KCNMB2: variants seen among roughly 807,000 people sequenced by gnomAD.
The protein encoded by KCNMB2 is potassium calcium-activated channel subfamily M regulatory beta subunit 2, also known as calcium-activated potassium channel subunit beta-2.
In KCNMB2, 9 loss-of-function variants were observed where a neutral mutation model predicts 24.5. The observed-to-expected ratio is 0.37, with a 90% CI of 0.22 to 0.64. The LOEUF (loss-of-function observed/expected upper bound fraction) is 0.64, where lower values mean the gene tolerates loss of function less well. Ranked by LOEUF, KCNMB2 falls within the 30% of genes least tolerant of loss-of-function variation. KCNMB2 has a pLI of 0.63. For synonymous variants in KCNMB2, 109 were observed against 104.4 expected, an observed-to-expected ratio of 1.04 and a Z score of -0.27; for missense variants, 226 against 284.3, an observed-to-expected ratio of 0.79 and a Z score of 1.47.
intron 1 of KCNMB2, among the ~76,000 whole-genome samples, chr3:178,664,462 T>C (rs2108574394): frequency 6.6e-6 from 1 of 152,196 alleles, no homozygotes; most frequent in South Asian, 2.1e-4. Flanking sequence ...TCCTCTTTGC[T>C]ACACTATTAT....
intron 1 of KCNMB2, among the ~76,000 whole-genome samples, chr3:178,776,039 G>A (rs1712565480): frequency 6.6e-6 from 1 of 151,990 alleles, no homozygotes; most frequent in Non-Finnish European, 1.5e-5. Flanking sequence ...TCTACAACCT[G>A]GACCTTTATT....
intron 1 of KCNMB2, among the ~76,000 whole-genome samples, chr3:178,607,123 G>T (rs1718300356): frequency 6.6e-6 from 1 of 152,162 alleles, no homozygotes; most frequent in Non-Finnish European, 1.5e-5. Context: ...TAGGACGAGT[G>T]TTATTTCCAC....
intron 1 of KCNMB2, among the ~76,000 whole-genome samples, chr3:178,581,118 AC>A (rs1717184978): frequency 1.3e-5 from 2 of 152,178 alleles, no homozygotes; most frequent in African/African-American, 4.8e-5. Flanking sequence ...TTCAAACTAT[AC>A]TACAAGGCTA....
At chr3:178,711,339 TG>T (rs999480735) in intron 1 of KCNMB2, among the ~76,000 whole-genome samples, 1 of 152,212 alleles carries the variant, frequency 6.6e-6, no homozygotes, top group African/African-American at 2.4e-5. Context: ...GCATTTGGTC[TG>T]CAGCAATTTG....
rs113461987 is a variant in KCNMB2 at position 178,641,382 on chromosome 3, T to C, written c.-68+104671T>C. 8.4e-3 allele frequency among the ~76,000 whole-genome samples: 1,278 copies of C among 152,282 alleles called. 19 individuals are homozygous for C. Among genetic ancestry groups the C allele is most frequent in the African/African-American group, 0.03 (1,230 of 41,584 alleles). On this transcript the variant is annotated intron_variant, in intron 1 of 4. Transcript: ENST00000452583. ...AAAGAGTTTTGTAGTTTTTCACATA[T>C]AGAACCCACACATATTTTGTCAGAT...
At chr3:178,658,417 G>T (rs960648394) in intron 1 of KCNMB2, among the ~76,000 whole-genome samples, 1 of 152,140 alleles carries the variant, frequency 6.6e-6, no homozygotes, top group African/African-American at 2.4e-5. Context: ...ATCAAGATAA[G>T]GTTATCTCTT....
chr3:178,595,096 G>C (rs1323076042), intron 1 of KCNMB2, among the ~76,000 whole-genome samples: 1 of 143,352 alleles, frequency 7.0e-6, no homozygotes, highest in African/African-American at 2.5e-5. Flanking sequence ...AATACGATGA[G>C]GCTGTCAACT....
chr3:178,664,764 C>T (rs910060248), intron 1 of KCNMB2, among the ~76,000 whole-genome samples: 4 of 151,730 alleles, frequency 2.6e-5, no homozygotes, highest in Admixed American at 6.6e-5. Flanking sequence ...TTCATTTTCA[C>T]GTAAATAATG....
intron 1 of KCNMB2, among the ~76,000 whole-genome samples, chr3:178,590,754 AC>A (rs1717639791): frequency 6.6e-6 from 1 of 152,210 alleles, no homozygotes; most frequent in African/African-American, 2.4e-5. Flanking sequence ...AACTAAGAGT[AC>A]ATCATGACTG....
At chr3:178,654,572 A>G (rs1038789910) in intron 1 of KCNMB2, among the ~76,000 whole-genome samples, 1 of 152,244 alleles carries the variant, frequency 6.6e-6, no homozygotes, top group African/African-American at 2.4e-5. Context: ...GACAATTTAT[A>G]CTTTTCAAAG....
At chr3:178,552,210 T>C (rs1177635891) in intron 1 of KCNMB2, among the ~76,000 whole-genome samples, 2 of 152,120 alleles carry the variant, frequency 1.3e-5, no homozygotes, top group African/African-American at 4.8e-5. Context: ...ATGTCGACTG[T>C]GGAAGAATGA....
chr3:178,689,823 T>C (rs949768546), intron 1 of KCNMB2, among the ~76,000 whole-genome samples: 2 of 152,208 alleles, frequency 1.3e-5, no homozygotes, highest in Non-Finnish European at 1.5e-5. Context: ...TCTAGTGACA[T>C]GTTCATACAC....
chr3:178,671,840 A>AATG (rs1560158969), intron 1 of KCNMB2, among the ~76,000 whole-genome samples: 1 of 152,202 alleles, frequency 6.6e-6, no homozygotes, highest in East Asian at 1.9e-4. Flanking sequence ...ATGTAATACA[A>AATG]TAATGTAATC....
chr3:178,843,308 A>G lies in KCNMB2; in HGVS notation c.*371A>G. 2 of 427,702 alleles carry G rather than the reference A, an allele frequency of 4.7e-6. No individual in the cohort carries two copies. Among genetic ancestry groups the G allele is most frequent in the Non-Finnish European group, 9.3e-6 (2 of 214,232 alleles). 26.5% of individuals were successfully genotyped at this position (427,702 alleles called of 1,614,324 possible). ...AGTTGTCAGATCTCTTGAAGACAAT[A>G]TTTTTCATCACTTATTGTTTACTAA... On this transcript the variant is annotated 3_prime_UTR_variant, in exon 5 of 5. Transcript: ENST00000452583.
At chr3:178,548,126 T>C (rs1715834590) in intron 1 of KCNMB2, among the ~76,000 whole-genome samples, 1 of 152,176 alleles carries the variant, frequency 6.6e-6, no homozygotes, top group South Asian at 2.1e-4. Context: ...CCTCCTCAAC[T>C]CTACCCTCAT....
intron 1 of KCNMB2, among the ~76,000 whole-genome samples, chr3:178,751,732 A>G (rs4626081): frequency 0.72 from 108,919 of 152,158 alleles, 40,190 homozygotes; most frequent in African/African-American, 0.92. Context: ...AACTGCACAC[A>G]TGTTTTATTA....
intron 1 of KCNMB2, among the ~76,000 whole-genome samples, chr3:178,614,589 T>C (rs909378177): frequency 4.6e-5 from 7 of 151,888 alleles, no homozygotes; most frequent in Non-Finnish European, 1.0e-4. Context: ...CCACAAGATA[T>C]GGGAATTGTG....
chr3:178,719,023 G>A (rs1033046427), intron 1 of KCNMB2, among the ~76,000 whole-genome samples: 1 of 152,152 alleles, frequency 6.6e-6, no homozygotes, highest in Non-Finnish European at 1.5e-5. Context: ...ATGATCTCTC[G>A]CAGCCTCCAG....
At chr3:178,719,668 C>T (rs989269481) in intron 1 of KCNMB2, among the ~76,000 whole-genome samples, 1 of 152,170 alleles carries the variant, frequency 6.6e-6, no homozygotes, top group African/African-American at 2.4e-5. Context: ...AAACTGGAGA[C>T]ATAAGCAAGA....
Sources: gnomAD v4.1 joint callset for allele counts (sites outside exome capture counted in the v4.1 genomes callset) on GRCh38, gnomAD v4.1.1 for gene constraint, MANE v1.5 for transcripts, NCBI Gene and HGNC (gene_info 2026-07-23, HGNC 2026-07-21) for gene names.